The following RPS17 variants were observed in gnomAD, a reference collection of about 807,000 sequenced individuals.
The protein encoded by RPS17 is small ribosomal subunit protein eS17.
For synonymous variants in RPS17, 75 were observed against 65.6 expected (o/e 1.14, Z -0.70); for missense variants, 68 against 182.3 (o/e 0.37, Z 3.61).
At chr15:82,540,342 G>C in intron 1 of RPS17, 84 bp downstream of exon 1, 1 of 1,581,736 alleles carries the variant, frequency 6.3e-7, no homozygotes, top group Non-Finnish European at 8.6e-7. Flanking sequence ...CCCGGCCCAG[G>C]GCCTCTCTGT....
At position 82,539,959 on chromosome 15, in the gene RPS17, G is replaced by A. The variant is rs1219241440; in HGVS notation, c.155+22C>T. 5.0e-6 allele frequency: 8 copies of A among 1,612,050 alleles called. No homozygotes were observed. The South Asian group carries it at 5.5e-5, about 11-fold the overall frequency. ...CACAAACAGATCGCGGAGCCCCGGAGGCCGAGGAAGGCCCGACTCACCCTG... is the reference window on the plus strand; with the variant it reads ...CACAAACAGATCGCGGAGCCCCGGAAGCCGAGGAAGGCCCGACTCACCCTG... On this transcript the variant is annotated intron_variant, in intron 2 of 4. Transcript: ENST00000647841.
chr15:82,540,377 A>C (rs562444261), intron 1 of RPS17, 49 bp downstream of exon 1: 2 of 1,589,880 alleles, frequency 1.3e-6, no homozygotes, highest in South Asian at 1.1e-5. Flanking sequence ...GGGAAGCTGC[A>C]GATGGGGGAC....
chr15:82,538,564 C>T (rs928880250), intron 3 of RPS17, 193 bp from the exon 4 acceptor site: 2 of 715,568 alleles, frequency 2.8e-6, no homozygotes, highest in Non-Finnish European at 5.0e-6. Flanking sequence ...CTTCCCATGC[C>T]CTCATTCAGT....
At chr15:82,538,784 A>T (rs940397177) in intron 3 of RPS17, 96 bp downstream of exon 3, 405 of 1,274,432 alleles carry the variant, frequency 3.2e-4, no homozygotes, top group Non-Finnish European at 4.2e-4. Flanking sequence ...TATGGATTAA[A>T]GGTCTCAGAT....
chr15:82,539,629 C>G (rs1403113334), intron 2 of RPS17: 33 of 418,092 alleles, frequency 7.9e-5, no homozygotes, highest in Non-Finnish European at 1.4e-4. Context: ...ACGGAGGTTG[C>G]AGTGAGCCGA....
chr15:82,538,390 G>A lies in RPS17; in HGVS notation c.262-19C>T. ...CTGAGACCTACAAGGAAACGAGGTA[G>A]GGTCAAAATACCAATCAATGAGATT... is the stretch of plus-strand genomic sequence containing the variant. On this transcript the variant is annotated intron_variant, in intron 3 of 4. Transcript: ENST00000647841. The A allele has an allele frequency of 1.2e-6, 2 of 1,611,504 alleles. No homozygotes were observed. Among genetic ancestry groups the A allele is most frequent in the East Asian group, 2.2e-5 (1 of 44,866 alleles).
At chr15:82,539,697 AAG>A in intron 2 of RPS17, 1 of 563,870 alleles carries the variant, frequency 1.8e-6, no homozygotes, top group Non-Finnish European at 3.1e-6. Flanking sequence ...TCAAAAAAAA[AAG>A]AAAAAAAAGA....
chr15:82,540,430 T>C lies in RPS17; in HGVS notation c.-2A>G. 1 of 1,595,770 alleles carries C rather than the reference T, an allele frequency of 6.3e-7. No homozygotes were observed. Among genetic ancestry groups the C allele is most frequent in the Non-Finnish European group, 8.5e-7 (1 of 1,172,394 alleles). On this transcript the variant is annotated 5_prime_UTR_variant, in exon 1 of 5. Transcript: ENST00000647841. ...GCCTCGAGCCAAAACACCTACCATGTTGGCGGGTCCTTGGTAAAAGAGGAA... is the reference window on the plus strand; with the variant it reads ...GCCTCGAGCCAAAACACCTACCATGCTGGCGGGTCCTTGGTAAAAGAGGAA...
At chr15:82,539,792 G>A (rs1242900555) in intron 2 of RPS17, 189 bp downstream of exon 2, 1 of 1,013,044 alleles carries the variant, frequency 9.9e-7, no homozygotes, top group East Asian at 2.4e-5. Flanking sequence ...GGGTCACCGC[G>A]GCCAGTCATG....
chr15:82,539,546 G>A (rs2034305687), intron 2 of RPS17: 2 of 443,052 alleles, frequency 4.5e-6, no homozygotes, highest in African/African-American at 2.0e-5. Context: ...AAAATTAGCC[G>A]AGTGTGGTAG....
chr15:82,540,292 C>T (rs2034326663), intron 1 of RPS17, 134 bp downstream of exon 1: 5 of 1,589,372 alleles, frequency 3.1e-6, no homozygotes, highest in Non-Finnish European at 4.3e-6. Flanking sequence ...GCGGAAGCCG[C>T]CGGCCCGTTG....
At chr15:82,538,052 C>G (rs2034271889) in intron 4 of RPS17, 2 of 544,770 alleles carry the variant, frequency 3.7e-6, no homozygotes, top group Middle Eastern at 2.8e-4. Flanking sequence ...GCTATAAAAC[C>G]AAGAACAGAA....
At chr15:82,539,872 A>G (rs2034313980) in intron 2 of RPS17, 109 bp downstream of exon 2, 1 of 1,538,106 alleles carries the variant, frequency 6.5e-7, no homozygotes, top group Admixed American at 1.7e-5. Context: ...GACACCAGGG[A>G]GTCTCAGGCT....
At chr15:82,540,290 C>T (rs1276381231) in intron 1 of RPS17, 136 bp downstream of exon 1, 4 of 1,591,094 alleles carry the variant, frequency 2.5e-6, no homozygotes, top group Non-Finnish European at 2.6e-6. Flanking sequence ...ATGCGGAAGC[C>T]GCCGGCCCGT....
At chr15:82,540,187 G>C (rs2034322604) in intron 1 of RPS17, 55 bp from the exon 2 acceptor site, 1 of 1,613,204 alleles carries the variant, frequency 6.2e-7, no homozygotes, top group Non-Finnish European at 8.5e-7. Flanking sequence ...TCTGGGAAGA[G>C]TGCGGCGCCG....
At chr15:82,538,037 A>T (rs1348793396) in intron 4 of RPS17, 3 of 521,642 alleles carry the variant, frequency 5.8e-6, no homozygotes, top group African/African-American at 5.7e-5. Flanking sequence ...GGGCAACGTA[A>T]GCCAGCTATA....
At chr15:82,539,957 G>A in intron 2 of RPS17, 24 bp downstream of exon 2, 3 of 1,612,060 alleles carry the variant, frequency 1.9e-6, no homozygotes, top group Non-Finnish European at 1.7e-6. Context: ...CGGAGCCCCG[G>A]AGGCCGAGGA....
Position 82,540,414 on chromosome 15 carries a change from CA to C in RPS17, c.3+11del. The C allele has an allele frequency of 1.3e-6, 2 of 1,595,964 alleles. No homozygotes were observed. The highest frequency in any genetic ancestry group is 8.5e-7 in the Non-Finnish European group (1 of 1,172,522). On this transcript the variant is annotated intron_variant, in intron 1 of 4. Transcript: ENST00000647841. Reference sequence around the variant, plus strand: ...ATTGTGGAGGATGGCGGCCTCGAGCCAAAACACCTACCATGTTGGCGGGTCC... The same window carrying C: ...ATTGTGGAGGATGGCGGCCTCGAGCCAAACACCTACCATGTTGGCGGGTCC...
intron 2 of RPS17, chr15:82,539,543 G>T (rs2034305625): frequency 2.2e-6 from 1 of 445,192 alleles, no homozygotes; most frequent in Non-Finnish European, 4.5e-6. Flanking sequence ...ACAAAAATTA[G>T]CCGAGTGTGG....
Sources: allele counts gnomAD v4.1 joint callset, GRCh38; gene constraint gnomAD v4.1.1; transcripts MANE v1.5; gene names NCBI Gene and HGNC (gene_info 2026-07-23, HGNC 2026-07-21).